Variants in C8orf34 observed in about 807,000 individuals in gnomAD.
The protein encoded by C8orf34 is chromosome 8 open reading frame 34.
C8orf34 carries 65 observed loss-of-function variants against 68.3 expected under a neutral mutation model. The observed-to-expected ratio is 0.95, with a 90% CI of 0.78 to 1.17. C8orf34 has a LOEUF of 1.17. Among genes scored for constraint, C8orf34 ranks in the 50% most tolerant of loss-of-function variants. C8orf34 has a pLI of 0.00. For missense variants in C8orf34, 664 were observed against 655.4 expected (o/e 1.01, Z -0.14); for synonymous variants, 244 against 241.2 (o/e 1.01, Z -0.11).
chr8:68,803,745 C>T (rs967009411), intron 12 of C8orf34, among the ~76,000 whole-genome samples: 3 of 152,022 alleles, frequency 2.0e-5, no homozygotes, highest in Non-Finnish European at 4.4e-5. Context: ...TAGTTTTGTG[C>T]AGGTAATAAT....
intron 7 of C8orf34, among the ~76,000 whole-genome samples, chr8:68,547,107 G>A (rs559854883): frequency 3.4e-4 from 52 of 151,724 alleles, no homozygotes; most frequent in Non-Finnish European, 6.9e-4. Flanking sequence ...CAGAATATTA[G>A]CAATGCCAAC....
intron 1 of C8orf34, among the ~76,000 whole-genome samples, chr8:68,383,006 C>T (rs1436221670): frequency 6.6e-6 from 1 of 152,150 alleles, no homozygotes; most frequent in Non-Finnish European, 1.5e-5. Context: ...CAGAAGAGTG[C>T]TGTCTTTCTT....
At chr8:68,754,925 C>T (rs1463183239) in intron 10 of C8orf34, among the ~76,000 whole-genome samples, 3 of 152,084 alleles carry the variant, frequency 2.0e-5, no homozygotes, top group Non-Finnish European at 4.4e-5. Context: ...GCCATGTAAC[C>T]TTTGATTAGT....
At chr8:68,750,135 A>T (rs1189952955) in intron 10 of C8orf34, among the ~76,000 whole-genome samples, 1 of 152,212 alleles carries the variant, frequency 6.6e-6, no homozygotes, top group Non-Finnish European at 1.5e-5. Flanking sequence ...ATCCAAACAA[A>T]TTGAAAACAG....
rs1824793471 is a variant in C8orf34 at position 68,815,800 on chromosome 8, G to T, written c.1550-86G>T. On this transcript the variant is annotated intron_variant, in intron 12 of 13. Transcript: ENST00000518698. ...TATTAATTTCAATTAATCTTCACTA[G>T]AAATTGGCTAAAGCGCTAGGGAATG... is the stretch of plus-strand genomic sequence containing the variant. 1.9e-6 allele frequency: 3 copies of T among 1,609,220 alleles called. No homozygotes were observed. In the African/African-American group the frequency reaches 4.0e-5, roughly 22 times the overall value.
At chr8:68,468,420 T>G (rs546974344) in intron 3 of C8orf34, among the ~76,000 whole-genome samples, 2 of 152,172 alleles carry the variant, frequency 1.3e-5, no homozygotes, top group Admixed American at 1.3e-4. Context: ...TGTTTCTCCC[T>G]GTGTTATAGA....
intron 1 of C8orf34, among the ~76,000 whole-genome samples, chr8:68,378,070 A>G (rs1447111241): frequency 6.6e-6 from 1 of 152,194 alleles, no homozygotes. Context: ...GATTATGGAG[A>G]TAATTCAAGA....
intron 7 of C8orf34, among the ~76,000 whole-genome samples, chr8:68,590,944 T>TG (rs1219341454): frequency 3.3e-5 from 5 of 152,100 alleles, no homozygotes; most frequent in Non-Finnish European, 5.9e-5. Flanking sequence ...TTGGAGGCCA[T>TG]GGGCACCATT....
At chr8:68,560,841 G>C (rs769250114) in intron 7 of C8orf34, among the ~76,000 whole-genome samples, 9 of 151,982 alleles carry the variant, frequency 5.9e-5, no homozygotes, top group Non-Finnish European at 1.2e-4. Context: ...GGACATCACT[G>C]TACACTACTG....
intron 10 of C8orf34, among the ~76,000 whole-genome samples, chr8:68,770,381 T>C (rs1823305264): frequency 6.6e-6 from 1 of 152,244 alleles, no homozygotes; most frequent in Non-Finnish European, 1.5e-5. Context: ...ATATTATTTA[T>C]TGACATAATC....
At chr8:68,813,405 C>T (rs1261544906) in intron 12 of C8orf34, among the ~76,000 whole-genome samples, 1 of 151,884 alleles carries the variant, frequency 6.6e-6, no homozygotes, top group Non-Finnish European at 1.5e-5. Context: ...CCTTGGCCAC[C>T]CTCCCTTGCC....
chr8:68,484,865 T>C (rs1813008625), intron 4 of C8orf34, among the ~76,000 whole-genome samples: 1 of 152,192 alleles, frequency 6.6e-6, no homozygotes, highest in Non-Finnish European at 1.5e-5. Context: ...GAATTACAGA[T>C]AATAGAGTGG....
At chr8:68,751,524 G>A (rs926588878) in intron 10 of C8orf34, among the ~76,000 whole-genome samples, 15 of 152,242 alleles carry the variant, frequency 9.9e-5, no homozygotes, top group East Asian at 3.9e-4. Flanking sequence ...TGTAGGTTGC[G>A]TGAAGTGGTT....
intron 8 of C8orf34, among the ~76,000 whole-genome samples, chr8:68,691,927 A>C (rs188914145): frequency 8.4e-4 from 128 of 152,216 alleles, no homozygotes; most frequent in Middle Eastern, 3.4e-3. Flanking sequence ...TAAGAATTAC[A>C]TGAGACAAAG....
chr8:68,359,142 C>T (rs1324814489), intron 1 of C8orf34, among the ~76,000 whole-genome samples: 1 of 151,984 alleles, frequency 6.6e-6, no homozygotes, highest in Admixed American at 6.6e-5. Context: ...AGACAGAGTG[C>T]AAAATTATAT....
intron 7 of C8orf34, among the ~76,000 whole-genome samples, chr8:68,591,872 T>C (rs1038422586): frequency 8.5e-5 from 13 of 152,196 alleles, no homozygotes; most frequent in Non-Finnish European, 1.9e-4. Context: ...ACGGCTGGCC[T>C]CAGATGCTGT....
At chr8:68,725,170 A>C (rs1021135263) in intron 10 of C8orf34, among the ~76,000 whole-genome samples, 1 of 152,194 alleles carries the variant, frequency 6.6e-6, no homozygotes, top group African/African-American at 2.4e-5. Flanking sequence ...ATCTTAAAAA[A>C]ATCTATTTTG....
intron 8 of C8orf34, among the ~76,000 whole-genome samples, chr8:68,645,379 T>C (rs922355856): frequency 6.6e-6 from 1 of 152,152 alleles, no homozygotes; most frequent in Non-Finnish European, 1.5e-5. Context: ...TTTTTCCTCA[T>C]CTTTTTGAGA....
intron 7 of C8orf34, among the ~76,000 whole-genome samples, chr8:68,592,002 C>A (rs917800976): frequency 1.3e-5 from 2 of 152,070 alleles, no homozygotes; most frequent in Admixed American, 1.3e-4. Flanking sequence ...ATAAGATAAT[C>A]TTTTTATGAG....
Sources: allele counts gnomAD v4.1 joint callset (sites outside exome capture counted in the v4.1 genomes callset), GRCh38; gene constraint gnomAD v4.1.1; transcripts MANE v1.5; gene names NCBI Gene and HGNC (gene_info 2026-07-23, HGNC 2026-07-21).